Variants in LYRM4 observed in about 807,000 individuals in gnomAD.
LYRM4 encodes the protein LYR motif-containing protein 4.
LYRM4 carries 9 observed loss-of-function variants against 11.7 expected under a neutral mutation model. The observed-to-expected ratio is 0.77, with a 90% CI of 0.46 to 1.34. The LOEUF is 1.34. Ranked by LOEUF, LYRM4 falls within the 40% of genes most tolerant of loss-of-function variation. LYRM4 has a pLI of 0.00. For missense variants in LYRM4, 133 were observed against 112.5 expected, an observed-to-expected ratio of 1.18 and a Z score of -0.82; for synonymous variants, 42 against 40.4, an observed-to-expected ratio of 1.04 and a Z score of -0.15.
the LYRM4 span, among the ~76,000 whole-genome samples, chr6:5,082,066 A>G: frequency 6.6e-6 from 1 of 152,222 alleles, no homozygotes; most frequent in Non-Finnish European, 1.5e-5. Context: ...TTTCTTCTTT[A>G]TAATAAACTG....
At chr6:5,220,596 A>C (rs1762524127) in intron 1 of LYRM4, among the ~76,000 whole-genome samples, 2 of 152,184 alleles carry the variant, frequency 1.3e-5, no homozygotes, top group Admixed American at 1.3e-4. Flanking sequence ...AAGCTGCTAA[A>C]TTCTAGCATG....
intron 2 of LYRM4, among the ~76,000 whole-genome samples, chr6:5,122,515 A>G (rs1184698419): frequency 1.3e-5 from 2 of 152,200 alleles, no homozygotes; most frequent in Admixed American, 6.5e-5. Flanking sequence ...GCCTCTTTAA[A>G]TAAGTGGTCC....
chr6:5,114,905 T>G (rs985559246), intron 2 of LYRM4, among the ~76,000 whole-genome samples: 10 of 152,328 alleles, frequency 6.6e-5, no homozygotes, highest in African/African-American at 2.2e-4. Flanking sequence ...TGGCTATTAA[T>G]AGTTTGGTAT....
chr6:5,065,592 A>G, the LYRM4 span, among the ~76,000 whole-genome samples: 18 of 152,244 alleles, frequency 1.2e-4, no homozygotes, highest in Non-Finnish European at 2.2e-4. Context: ...TGAAGTTTTC[A>G]CTTTATTCAA....
intron 2 of LYRM4, among the ~76,000 whole-genome samples, chr6:5,150,683 T>C (rs759441871): frequency 1.3e-5 from 2 of 152,240 alleles, no homozygotes; most frequent in Non-Finnish European, 2.9e-5. Flanking sequence ...ATGCATTTAC[T>C]AATTCTCAAT....
At chr6:5,073,291 A>G in the LYRM4 span, among the ~76,000 whole-genome samples, 1 of 151,916 alleles carries the variant, frequency 6.6e-6, no homozygotes, top group Non-Finnish European at 1.5e-5. Context: ...AATCATTTGA[A>G]CCCGGGAAGT....
chr6:5,032,127 T>C, the LYRM4 span: 1 of 152,200 alleles, frequency 6.6e-6, no homozygotes, highest in Non-Finnish European at 1.5e-5. Context: ...TACCAGACAA[T>C]ATCATCAAGT....
the LYRM4 span, among the ~76,000 whole-genome samples, chr6:5,089,841 C>T: frequency 3.3e-5 from 5 of 152,116 alleles, no homozygotes; most frequent in African/African-American, 9.7e-5. Flanking sequence ...TTTTGAATGT[C>T]CATTTTGTTT....
At chr6:5,205,545 A>G (rs1267684898) in intron 2 of LYRM4, among the ~76,000 whole-genome samples, 1 of 152,244 alleles carries the variant, frequency 6.6e-6, no homozygotes, top group Non-Finnish European at 1.5e-5. Context: ...TTATAAAAAA[A>G]AACAGGCTGA....
intron 2 of LYRM4, among the ~76,000 whole-genome samples, chr6:5,126,392 AT>A (rs1426973583): frequency 1.3e-5 from 2 of 152,220 alleles, no homozygotes; most frequent in Non-Finnish European, 2.9e-5. Flanking sequence ...ATGCTCAGGT[AT>A]TTGAAGAATG....
At chr6:5,154,478 T>C (rs746844992) in intron 2 of LYRM4, among the ~76,000 whole-genome samples, 1 of 151,968 alleles carries the variant, frequency 6.6e-6, no homozygotes, top group East Asian at 1.9e-4. Flanking sequence ...AGGACACAGA[T>C]GGAAACATCA....
chr6:5,206,926 G>C (rs545818211), intron 2 of LYRM4, among the ~76,000 whole-genome samples: 2 of 152,172 alleles, frequency 1.3e-5, no homozygotes, highest in African/African-American at 4.8e-5. Flanking sequence ...GACTAGGGAA[G>C]ATATACAATT....
downstream of LYRM4, chr6:5,105,720 A>G: frequency 6.6e-6 from 1 of 152,620 alleles, no homozygotes; most frequent in Non-Finnish European, 1.5e-5. Flanking sequence ...AGGCTGAGGC[A>G]GGAGAATTGC....
chr6:5,130,461 G>A (rs1180216111), intron 2 of LYRM4, among the ~76,000 whole-genome samples: 1 of 152,226 alleles, frequency 6.6e-6, no homozygotes, highest in Non-Finnish European at 1.5e-5. Context: ...CTGGTCCTCC[G>A]GAGCAGGGAG....
chr6:5,038,422 G>T, the LYRM4 span, among the ~76,000 whole-genome samples: 117 of 67,882 alleles, frequency 1.7e-3, 16 homozygotes, highest in Non-Finnish European at 3.5e-3. Flanking sequence ...AGGCAGAGAG[G>T]CTCCCCGTAT....
At chr6:5,228,005 G>C (rs1224959295) in intron 1 of LYRM4, among the ~76,000 whole-genome samples, 3 of 152,144 alleles carry the variant, frequency 2.0e-5, no homozygotes, top group Non-Finnish European at 4.4e-5. Context: ...CTAGGAGAGG[G>C]AGAGCATGAG....
At chr6:5,096,219 G>A in the LYRM4 span, among the ~76,000 whole-genome samples, 1 of 152,210 alleles carries the variant, frequency 6.6e-6, no homozygotes, top group African/African-American at 2.4e-5. Flanking sequence ...GGTGGGTGCA[G>A]TAGCTCATGC....
At chr6:5,112,957 A>G in intron 2 of LYRM4, 1 of 163,016 alleles carries the variant, frequency 6.1e-6, no homozygotes, top group South Asian at 1.5e-4. Flanking sequence ...AATAAAAGAG[A>G]AGTGGGGTAG....
downstream of LYRM4, chr6:5,104,297 CAG>C (rs1390944154): frequency 6.6e-6 from 1 of 150,822 alleles, no homozygotes; most frequent in Non-Finnish European, 1.5e-5. Context: ...TTTTTTTAGA[CAG>C]GGTATCACTC....
Sources: gnomAD v4.1 joint callset for allele counts (sites outside exome capture counted in the v4.1 genomes callset) on GRCh38, gnomAD v4.1.1 for gene constraint, MANE v1.5 for transcripts, NCBI Gene and HGNC (gene_info 2026-07-23, HGNC 2026-07-21) for gene names.